SSH2: variants seen among roughly 807,000 people sequenced by gnomAD.
SSH2 encodes protein phosphatase Slingshot homolog 2.
In SSH2, 37 loss-of-function variants were observed where a neutral mutation model predicts 135.2. The ratio of observed to expected loss-of-function variants is 0.27; its 90% CI spans 0.21 to 0.36. SSH2 has a LOEUF of 0.36. Ranked by LOEUF, SSH2 falls within the 10% of genes least tolerant of loss-of-function variation. The pLI, the probability that SSH2 is intolerant of heterozygous loss-of-function variation, is 1.00. For missense variants in SSH2, 1,408 were observed against 1,765.3 expected (o/e 0.80, Z 3.63); for synonymous variants, 628 against 646.2 (o/e 0.97, Z 0.43).
At chr17:29,738,809 C>T (rs1598909472) in intron 3 of SSH2, among the ~76,000 whole-genome samples, 1 of 152,150 alleles carries the variant, frequency 6.6e-6, no homozygotes, top group Admixed American at 6.5e-5. Context: ...CCGCCCCGGC[C>T]TCCCAAAGTG....
chr17:29,881,109 T>C (rs560993966), intron 1 of SSH2, among the ~76,000 whole-genome samples: 167 of 152,372 alleles, frequency 1.1e-3, no homozygotes, highest in African/African-American at 3.7e-3. Context: ...GTGTGCTCCT[T>C]ATATATTCTA....
intron 1 of SSH2, among the ~76,000 whole-genome samples, chr17:29,900,633 G>A (rs1300507376): frequency 6.6e-5 from 10 of 152,134 alleles, no homozygotes; most frequent in Non-Finnish European, 1.5e-4. Flanking sequence ...GAAACAACAG[G>A]TGCTGGAGAG....
At chr17:29,921,382 T>C (rs988723537) in intron 1 of SSH2, among the ~76,000 whole-genome samples, 2 of 152,170 alleles carry the variant, frequency 1.3e-5, no homozygotes, top group African/African-American at 2.4e-5. Flanking sequence ...AACATTTTTA[T>C]ACAATGCTTG....
chr17:29,823,411 G>A (rs535097236), intron 2 of SSH2, among the ~76,000 whole-genome samples: 1 of 152,270 alleles, frequency 6.6e-6, no homozygotes, highest in East Asian at 1.9e-4. Flanking sequence ...CTGGGCTAAT[G>A]TTCCTCTGTG....
chr17:29,861,409 C>A (rs1289814796), intron 1 of SSH2, among the ~76,000 whole-genome samples: 1 of 152,068 alleles, frequency 6.6e-6, no homozygotes, highest in African/African-American at 2.4e-5. Flanking sequence ...TTGCATCCTG[C>A]CCCGATAATC....
rs780981175 is a variant in SSH2, at chr17:29,709,015, T to TATATAGAGAGAGAGAG, written c.189-5954_189-5953insCTCTCTCTCTCTATAT. The stretch of plus-strand genomic sequence containing the variant: ...AGAAATATATATATATATATATATA[T>TATATAGAGAGAGAGAG]AGAGAGAGAGAGAGAGAGAGAGAGA... On this transcript the variant is annotated intron_variant, in intron 3 of 15. Transcript: ENST00000540801. 4.5e-3 allele frequency among the ~76,000 whole-genome samples: 365 copies of TATATAGAGAGAGAGAG among 81,576 alleles called. 5 individuals carry two copies. Among genetic ancestry groups the TATATAGAGAGAGAGAG allele is most frequent in the Non-Finnish European group, 7.1e-3 (289 of 40,696 alleles). The allele number at this position is 81,576 out of a possible 152,430, so 53.5% of individuals were successfully genotyped here.
At chr17:29,657,543 A>ACAG (rs1397434130) in intron 11 of SSH2, among the ~76,000 whole-genome samples, 1 of 143,172 alleles carries the variant, frequency 7.0e-6, no homozygotes, top group African/African-American at 2.6e-5. Flanking sequence ...GGCTGGGATT[A>ACAG]CAGGTGTGAG....
chr17:29,899,219 A>G, intron 1 of SSH2, among the ~76,000 whole-genome samples: 1 of 151,766 alleles, frequency 6.6e-6, no homozygotes, highest in East Asian at 1.9e-4. Flanking sequence ...AAACTGGCAC[A>G]AGACAGGGAT....
intron 2 of SSH2, among the ~76,000 whole-genome samples, chr17:29,836,260 G>A (rs530235546): frequency 5.3e-5 from 8 of 152,000 alleles, no homozygotes; most frequent in Admixed American, 1.3e-4. Context: ...ACGTTAGAGA[G>A]GCCCTTCTTG....
chr17:29,805,758 G>C (rs987248336), intron 2 of SSH2, among the ~76,000 whole-genome samples: 4 of 151,944 alleles, frequency 2.6e-5, no homozygotes, highest in African/African-American at 9.7e-5. Context: ...TTAAAGGTTT[G>C]GAGAAACAAC....
intron 1 of SSH2, among the ~76,000 whole-genome samples, chr17:29,902,870 T>C (rs1444244135): frequency 6.6e-6 from 1 of 152,126 alleles, no homozygotes; most frequent in East Asian, 1.9e-4. Flanking sequence ...GGTAAAAACA[T>C]AGAATTCAAT....
chr17:29,753,106 G>C (rs2041000951), intron 3 of SSH2, among the ~76,000 whole-genome samples: 1 of 152,124 alleles, frequency 6.6e-6, no homozygotes, highest in Non-Finnish European at 1.5e-5. Flanking sequence ...CCCTTAGATA[G>C]TAAATGTTCA....
chr17:29,872,718 C>A (rs192326220), intron 1 of SSH2, among the ~76,000 whole-genome samples: 162 of 152,194 alleles, frequency 1.1e-3, no homozygotes, highest in African/African-American at 3.6e-3. Flanking sequence ...TTCTGGGGGC[C>A]GGGTGGGGTG....
intron 3 of SSH2, among the ~76,000 whole-genome samples, chr17:29,745,141 A>T (rs2087552359): frequency 6.6e-6 from 1 of 151,964 alleles, no homozygotes; most frequent in African/African-American, 2.4e-5. Context: ...AAGTATGCTC[A>T]AAGTAATTTT....
chr17:29,856,592 A>C (rs2065667876), intron 1 of SSH2, among the ~76,000 whole-genome samples: 1 of 152,178 alleles, frequency 6.6e-6, no homozygotes, highest in African/African-American at 2.4e-5. Flanking sequence ...AAAAACAAAC[A>C]AACAAAATCC....
At chr17:29,662,366 A>G (rs1404792149) in intron 11 of SSH2, among the ~76,000 whole-genome samples, 13 of 152,260 alleles carry the variant, frequency 8.5e-5, no homozygotes, top group Admixed American at 8.5e-4. Flanking sequence ...ATAACTTGAC[A>G]TAATATCCAA....
Position 29,657,218 on chromosome 17 carries a change from C to T in SSH2, c.1033-1611G>A, listed in dbSNP as rs143382501. On this transcript the variant is annotated intron_variant, in intron 11 of 15. Transcript: ENST00000540801. ...CTGACCTCAAGTGATCCGCCTGCCT[C>T]GGCCTCCCAAAGTGCGGGGATTACA... Among the ~76,000 whole-genome samples the T allele has an allele frequency of 5.4e-3, 818 of 152,204 alleles. 8 individuals carry two copies. The highest frequency in any genetic ancestry group is 0.018 in the African/African-American group (748 of 41,524).
chr17:29,707,717 G>T (rs868654206), intron 3 of SSH2, among the ~76,000 whole-genome samples: 6 of 151,914 alleles, frequency 3.9e-5, no homozygotes, highest in Middle Eastern at 6.8e-3. Flanking sequence ...GTGGAGACGG[G>T]GTTTCACCAT....
chr17:29,755,673 T>C (rs1453634872), intron 3 of SSH2, among the ~76,000 whole-genome samples: 1 of 151,056 alleles, frequency 6.6e-6, no homozygotes, highest in Non-Finnish European at 1.5e-5. Flanking sequence ...TTTTCTTTTT[T>C]TTTTTTGAGA....
Sources: allele counts gnomAD v4.1 joint callset (sites outside exome capture counted in the v4.1 genomes callset), GRCh38; gene constraint gnomAD v4.1.1; transcripts MANE v1.5; gene names NCBI Gene and HGNC (gene_info 2026-07-23, HGNC 2026-07-21).